Variants in PCDHGB3 observed in about 807,000 individuals in gnomAD.
PCDHGB3 encodes protocadherin gamma-B3.
A neutral mutation model predicts 59.2 loss-of-function variants in PCDHGB3; 40 were observed. The observed-to-expected ratio is 0.68, with a 90% confidence interval of 0.52 to 0.88. The LOEUF (loss-of-function observed/expected upper bound fraction) is 0.88, where lower values mean the gene tolerates loss of function less well. Among genes scored for constraint, PCDHGB3 ranks in the 40% least tolerant of loss-of-function variants. The pLI is 0.00. For missense variants in PCDHGB3, 1,309 were observed against 1,187.9 expected (o/e 1.10, Z -1.50); for synonymous variants, 581 against 503.6 (o/e 1.15, Z -2.06).
chr5:141,493,784 T>A lies in PCDHGB3; in HGVS notation c.2416-1023T>A, dbSNP rs1368708028. ...AGCCACTGGCAGTTCCGGAGCTTCC[T>A]TCTCCCTGGAGTAATCTGAGATACT... On this transcript the variant is annotated intron_variant, in intron 1 of 3. Coordinates refer to ENST00000576222, the MANE Select transcript of PCDHGB3 (RefSeq NM_018924.5). This position sits in a 1 kb window ranked among gnomAD's most constrained non-coding sequence, Gnocchi z 4.3. 1.3e-5 allele frequency among the ~76,000 whole-genome samples: 2 copies of A among 152,194 alleles called. No individual in the cohort carries two copies. Among genetic ancestry groups the A allele is most frequent in the Non-Finnish European group, 2.9e-5 (2 of 68,032 alleles).
In PCDHGB3 at chr5:141,431,202, C is replaced by T. The variant is rs2097350864; in HGVS notation, c.2415+58393C>T. The stretch of plus-strand genomic sequence containing the variant: ...ATAAAAATTAGTGAAAATGCAGCCA[C>T]TGAGATGCGGTTCCCTCTACCCCAC... On this transcript the variant is annotated intron_variant, in intron 1 of 3. Coordinates refer to ENST00000576222, the MANE Select transcript of PCDHGB3 (RefSeq NM_018924.5). The surrounding 1 kb of genome is among the most constrained non-coding windows in gnomAD (Gnocchi z 4.8). 6.2e-7 allele frequency: 1 copy of T among 1,614,204 alleles called. No individual in the cohort carries two copies. Among genetic ancestry groups the T allele is most frequent in the Non-Finnish European group, 8.5e-7 (1 of 1,180,052 alleles).
Position 141,370,500 on chromosome 5 carries a change from G to T in PCDHGB3, c.106G>T (p.Ala36Ser), listed in dbSNP as rs781752977. 1 of 1,613,922 alleles carries T rather than the reference G, an allele frequency of 6.2e-7. No individual in the cohort carries two copies. The highest frequency in any genetic ancestry group is 1.7e-5 in the Admixed American group (1 of 60,018). The change falls in exon 1 of 4, where the codon GCT becomes TCT. Residue 36 changes from alanine to serine, a missense_variant. Ala to Ser is a moderately conservative substitution (Grantham distance 99). Transcript: ENST00000576222. ...GGCTCTCTCCGAACCGATCCGCTACGCTATTCCCGAGGAGCTGGACAGGGG... is the reference window on the plus strand; with the variant it reads ...GGCTCTCTCCGAACCGATCCGCTACTCTATTCCCGAGGAGCTGGACAGGGG... ...DQALSEPIRY[A>S]IPEELDRGSL...
chr5:141,497,312 G>A (rs940721317), intron 2 of PCDHGB3, among the ~76,000 whole-genome samples: 7 of 152,038 alleles, frequency 4.6e-5, no homozygotes, highest in African/African-American at 1.7e-4. Flanking sequence ...CCATACACTG[G>A]CTTTGAAGCA....
Position 141,486,734 on chromosome 5 carries a change from C to A in PCDHGB3, c.2416-8073C>A. ...CCAGACAGGAGCTGTTCATGCTACT[C>A]GATCCTTTGACTATGAGCAAACCCA... On this transcript the variant is annotated intron_variant, in intron 1 of 3. Transcript: ENST00000576222. The surrounding 1 kb of genome is among the most constrained non-coding windows in gnomAD (Gnocchi z 5.0). The A allele has an allele frequency of 1.2e-6, 2 of 1,614,188 alleles. No homozygotes were observed. Among genetic ancestry groups the A allele is most frequent in the Non-Finnish European group, 1.7e-6 (2 of 1,180,040 alleles).
At chr5:141,478,864 A>G in intron 1 of PCDHGB3, 1 of 1,322,156 alleles carries the variant, frequency 7.6e-7, no homozygotes, top group Non-Finnish European at 1.0e-6. Flanking sequence ...GATCTCAGCG[A>G]TCAGAGTTTA....
At chr5:141,461,893 G>A (rs2099025951) in intron 1 of PCDHGB3, among the ~76,000 whole-genome samples, 1 of 151,772 alleles carries the variant, frequency 6.6e-6, no homozygotes, top group African/African-American at 2.4e-5. Context: ...GCACGATCTC[G>A]GCTCACTGCA....
intron 1 of PCDHGB3, chr5:141,382,773 T>C: frequency 1.3e-6 from 1 of 782,328 alleles, no homozygotes; most frequent in Non-Finnish European, 2.0e-6. Context: ...CAGGCTGCAC[T>C]AAACTCAAGC....
chr5:141,403,759 G>A (rs900084263), intron 1 of PCDHGB3: 2 of 1,613,794 alleles, frequency 1.2e-6, no homozygotes, highest in Non-Finnish European at 1.7e-6. Flanking sequence ...CCAGCGACCT[G>A]GATGAGGGAA....
chr5:141,371,689 T>C lies in PCDHGB3; in HGVS notation c.1295T>C (p.Leu432Pro). 1 of 1,613,982 alleles carries C rather than the reference T, an allele frequency of 6.2e-7. No homozygotes were observed. The highest frequency in any genetic ancestry group is 8.5e-7 in the Non-Finnish European group (1 of 1,179,896). The part of the protein sequence containing the change: ...ITATDKGNPP[L>P]SSSKTITLHI... ...GCTACCGACAAAGGCAATCCACCGC[T>C]CTCCTCCAGCAAGACCATCACTCTG... Residue 432 changes from leucine (L) to proline (P), a missense_variant, in exon 1 of 4, where the codon CTC (leucine) becomes CCC (proline). Transcript: ENST00000576222.
chr5:141,497,466 G>T (rs1047422582), intron 2 of PCDHGB3, among the ~76,000 whole-genome samples: 2 of 152,020 alleles, frequency 1.3e-5, no homozygotes, highest in African/African-American at 4.8e-5. Flanking sequence ...TGGAGATATG[G>T]AGGAGAAGGT....
At chr5:141,409,153 G>A in intron 1 of PCDHGB3, 1 of 1,614,026 alleles carries the variant, frequency 6.2e-7, no homozygotes. Context: ...GGTACACCAT[G>A]GAAGTGGAAG....
At chr5:141,418,021 A>G (rs748774040) in intron 1 of PCDHGB3, 11 of 1,613,978 alleles carry the variant, frequency 6.8e-6, no homozygotes, top group African/African-American at 1.3e-5. Context: ...CTAAGGATCT[A>G]GGGCTTAGTG....
Position 141,431,046 on chromosome 5 carries a change from G to A in PCDHGB3, c.2415+58237G>A, listed in dbSNP as rs1324139757. 7 of 1,614,240 alleles carry A rather than the reference G, an allele frequency of 4.3e-6. 1 individual carries two copies. The Admixed American group carries it at 1.0e-4, about 23-fold the overall frequency. ...GGCAGGATAGACCGGGAGGAGCTCTGTATGGGGGCCATCAAGTGTCAATTA... is the reference window on the plus strand; with the variant it reads ...GGCAGGATAGACCGGGAGGAGCTCTATATGGGGGCCATCAAGTGTCAATTA... On this transcript the variant is annotated intron_variant, in intron 1 of 3. Transcript: ENST00000576222. The surrounding 1 kb of genome is among the most constrained non-coding windows in gnomAD (Gnocchi z 4.8).
In PCDHGB3 at chr5:141,477,380, G is replaced by C; in HGVS notation, c.2416-17427G>C. The C allele has an allele frequency of 6.2e-7, 1 of 1,614,116 alleles. No homozygotes were observed. The highest frequency in any genetic ancestry group is 8.5e-7 in the Non-Finnish European group (1 of 1,180,028). On this transcript the variant is annotated intron_variant, in intron 1 of 3. Transcript: ENST00000576222. The surrounding 1 kb of genome is among the most constrained non-coding windows in gnomAD (Gnocchi z 4.9). ...AGACCTGGATCGGGAGACTGTGCCA[G>C]AATACAACCTCAGCATCACCGCCCG...
chr5:141,392,810 A>G (rs772526220), intron 1 of PCDHGB3: 41 of 1,580,272 alleles, frequency 2.6e-5, no homozygotes, highest in Middle Eastern at 1.7e-4. Context: ...GCAGCAAAAC[A>G]ACAATGGCCG....
chr5:141,388,910 C>T, intron 1 of PCDHGB3: 1 of 1,613,852 alleles, frequency 6.2e-7, no homozygotes, highest in East Asian at 2.2e-5. Context: ...ATGACAACGC[C>T]CCAGAAGTGA....
intron 3 of PCDHGB3, among the ~76,000 whole-genome samples, chr5:141,510,531 T>C (rs1459536719): frequency 6.6e-6 from 1 of 152,078 alleles, no homozygotes; most frequent in Non-Finnish European, 1.5e-5. Context: ...CTGAGAGAAA[T>C]ACCAGCGAAT....
rs200715621 is a variant in PCDHGB3 at position 141,432,628 on chromosome 5, G to A, written c.2415+59819G>A. 3.2e-4 allele frequency: 515 copies of A among 1,611,902 alleles called. No individual in the cohort carries two copies. Among genetic ancestry groups the A allele is most frequent in the Non-Finnish European group, 4.2e-4 (497 of 1,179,404 alleles). On this transcript the variant is annotated intron_variant, in intron 1 of 3. Coordinates refer to ENST00000576222, the MANE Select transcript of PCDHGB3 (RefSeq NM_018924.5). The surrounding 1 kb of genome is among the most constrained non-coding windows in gnomAD (Gnocchi z 6.0). ...GACTCTTCTCGGTGGGTCTGCACAC[G>A]GGCGAGGTGCGCACGGCGCGAGCCC...
In PCDHGB3 at chr5:141,409,272, T is replaced by G. The variant is rs2095250021; in HGVS notation, c.2415+36463T>G. ...ATCACTTCTCTCTCTGATCAGATTT[T>G]GGAGAATTCACCTCCAGGAATGGTT... On this transcript the variant is annotated intron_variant, in intron 1 of 3. Coordinates refer to ENST00000576222, the MANE Select transcript of PCDHGB3 (RefSeq NM_018924.5). 5 of 1,614,042 alleles carry G rather than the reference T, an allele frequency of 3.1e-6. No individual in the cohort carries two copies. In the South Asian group the frequency reaches 4.4e-5, roughly 14 times the overall value.
Sources: allele counts gnomAD v4.1 joint callset (sites outside exome capture counted in the v4.1 genomes callset), GRCh38; gene constraint gnomAD v4.1.1; non-coding constraint Gnocchi (gnomAD v3.1); transcripts MANE v1.5; gene names NCBI Gene and HGNC (gene_info 2026-07-23, HGNC 2026-07-21).